Variants in MYT1 observed in about 807,000 individuals in gnomAD.
The protein encoded by MYT1 is myelin transcription factor I.
MYT1 carries 23 observed loss-of-function variants against 123.0 expected under a neutral mutation model. That is an observed-to-expected ratio of 0.19 (90% confidence interval 0.13 to 0.26). The LOEUF is 0.26. Ranked by LOEUF, MYT1 falls within the 10% of genes least tolerant of loss-of-function variation. The pLI is 1.00. For missense variants in MYT1, 1,125 were observed against 1,472.5 expected (o/e 0.76, Z 3.86); for synonymous variants, 518 against 575.3 (o/e 0.90, Z 1.43).
rs996737740 is a variant in MYT1, at chr20:64,168,042, G to A, written c.-99+3303G>A. The stretch of plus-strand genomic sequence containing the variant: ...CACTGGGGAGCCCACTGCCCAGCCC[G>A]GAGTGTCTGCTGGAGGCCTGGGGGG... On this transcript the variant is annotated intron_variant, in intron 1 of 22. Transcript: ENST00000328439. This position sits in a 1 kb window ranked among gnomAD's most constrained non-coding sequence, Gnocchi z 6.1. 2.0e-5 allele frequency among the ~76,000 whole-genome samples: 3 copies of A among 152,234 alleles called. No homozygotes were observed. The highest frequency in any genetic ancestry group is 7.2e-5 in the African/African-American group (3 of 41,464).
intron 4 of MYT1, among the ~76,000 whole-genome samples, chr20:64,201,965 CCG>C (rs1568708150): frequency 2.3e-4 from 30 of 129,940 alleles, no homozygotes; most frequent in East Asian, 7.8e-4. Context: ...TCGGGAACCC[CCG>C]CGTGTCGGGA....
At chr20:64,197,939 G>A (rs1252077806) in intron 2 of MYT1, among the ~76,000 whole-genome samples, 3 of 152,166 alleles carry the variant, frequency 2.0e-5, no homozygotes, top group Admixed American at 6.5e-5. Flanking sequence ...GGCTGGGGCC[G>A]CTCCAGGTTG....
chr20:64,172,784 G>A (rs950355422), intron 1 of MYT1, among the ~76,000 whole-genome samples: 1 of 116,242 alleles, frequency 8.6e-6, no homozygotes, highest in Non-Finnish European at 1.6e-5. Context: ...GTCTCACTCT[G>A]TTGCCCAGGC....
chr20:64,240,181 G>A lies in MYT1; in HGVS notation c.3238-139G>A, dbSNP rs1984674468. ...CTACTGCTGGGATGGCTGCAGAGAG[G>A]AACGCCCAGTGCTGCCTCTGGTTGG... On this transcript the variant is annotated intron_variant, in intron 22 of 22. Transcript: ENST00000328439. 2.4e-6 allele frequency: 3 copies of A among 1,254,870 alleles called. No homozygotes were observed. In the South Asian group the frequency reaches 4.4e-5, roughly 18 times the overall value. 77.7% of individuals were successfully genotyped at this position (1,254,870 alleles called of 1,614,324 possible).
Position 64,186,012 on chromosome 20 carries a change from C to A in MYT1, c.-98-4051C>A, listed in dbSNP as rs979265422. 2.0e-5 allele frequency among the ~76,000 whole-genome samples: 3 copies of A among 152,136 alleles called. No homozygotes were observed. The highest frequency in any genetic ancestry group is 4.4e-5 in the Non-Finnish European group (3 of 68,014). On this transcript the variant is annotated intron_variant, in intron 1 of 22. Transcript: ENST00000328439. The surrounding 1 kb of genome is among the most constrained non-coding windows in gnomAD (Gnocchi z 4.3). ...GAGGGCTTCATTAGGAGAAGACAGA[C>A]GGGGGGCTACAGCTCAGCACTGCAC...
At position 64,231,556 on chromosome 20, in the gene MYT1, G is replaced by A. The variant is rs1222095546; in HGVS notation, c.2676-608G>A. On this transcript the variant is annotated intron_variant, in intron 18 of 22. Coordinates refer to ENST00000328439, the MANE Select transcript of MYT1 (RefSeq NM_004535.3). The surrounding 1 kb of genome is among the most constrained non-coding windows in gnomAD (Gnocchi z 6.4). The stretch of plus-strand genomic sequence containing the variant: ...TGGGTAGCGAGTCTCCCCCACATGA[G>A]GTCTGCGTTCTTCCTTCTAGAACAT... Among the ~76,000 whole-genome samples, 1 of 152,248 alleles carries A rather than the reference G, an allele frequency of 6.6e-6. No homozygotes were observed. Among genetic ancestry groups the A allele is most frequent in the African/African-American group, 2.4e-5 (1 of 41,462 alleles).
chr20:64,171,209 G>A (rs959650518), intron 1 of MYT1, among the ~76,000 whole-genome samples: 6 of 152,158 alleles, frequency 3.9e-5, no homozygotes, highest in Admixed American at 2.0e-4. Context: ...GTGAGCCACT[G>A]TGCCCGGCCA....
chr20:64,195,406 T>TTTTTTG (rs1483025593), intron 2 of MYT1, among the ~76,000 whole-genome samples: 4 of 138,992 alleles, frequency 2.9e-5, no homozygotes, highest in African/African-American at 7.8e-5. Context: ...GTATACTTTT[T>TTTTTTG]TTTTTTTGAG....
chr20:64,202,068 C>CCG lies in MYT1; in HGVS notation c.86+2146_86+2147insCG, dbSNP rs1491423254. ...GGGAACCTCTGCGTGTCGGGAACCC[C>CCG]TGTGTGCAGGACTTTCTCTGTGGAT... is the stretch of plus-strand genomic sequence containing the variant. On this transcript the variant is annotated intron_variant, in intron 4 of 22. Coordinates refer to ENST00000328439, the MANE Select transcript of MYT1 (RefSeq NM_004535.3). The surrounding 1 kb of genome is among the most constrained non-coding windows in gnomAD (Gnocchi z 5.0). Among the ~76,000 whole-genome samples the CCG allele has an allele frequency of 3.3e-5, 5 of 151,456 alleles. No individual in the cohort carries two copies. The highest frequency in any genetic ancestry group is 4.2e-4 in the South Asian group (2 of 4,770).
chr20:64,234,268 A>G (rs554622260), intron 19 of MYT1, among the ~76,000 whole-genome samples: 201 of 152,266 alleles, frequency 1.3e-3, no homozygotes, highest in Non-Finnish European at 2.2e-3. Context: ...CACAGCCTAG[A>G]GGGTATCTCA....
intron 14 of MYT1, 126 bp from the exon 15 acceptor site, chr20:64,222,985 G>A (rs1984054103): frequency 8.1e-6 from 8 of 981,618 alleles, no homozygotes; most frequent in African/African-American, 1.6e-5. Context: ...ACTGAGTGGA[G>A]GAGGGGCCAC....
chr20:64,226,863 G>T (rs1335833347), intron 16 of MYT1, among the ~76,000 whole-genome samples: 1 of 152,254 alleles, frequency 6.6e-6, no homozygotes, highest in Admixed American at 6.5e-5. Context: ...CATGGCCAGC[G>T]CCATCTGCTC....
chr20:64,232,100 G>C lies in MYT1; in HGVS notation c.2676-64G>C. The C allele has an allele frequency of 6.5e-7, 1 of 1,539,090 alleles. No homozygotes were observed. The highest frequency in any genetic ancestry group is 8.9e-7 in the Non-Finnish European group (1 of 1,120,026). ...GGCTCCCCTTGTGTCTGGCTTGAGAGAGTCTCCAGGCTTCTCCTCCCAACC... is the reference window on the plus strand; with the variant it reads ...GGCTCCCCTTGTGTCTGGCTTGAGACAGTCTCCAGGCTTCTCCTCCCAACC... On this transcript the variant is annotated intron_variant, in intron 18 of 22. Coordinates refer to ENST00000328439, the MANE Select transcript of MYT1 (RefSeq NM_004535.3). The surrounding 1 kb of genome is among the most constrained non-coding windows in gnomAD (Gnocchi z 6.9).
At chr20:64,237,196 T>A (rs1315726817) in intron 20 of MYT1, 91 bp from the exon 21 acceptor site, 8 of 989,058 alleles carry the variant, frequency 8.1e-6, no homozygotes, top group African/African-American at 1.6e-5. Context: ...GCACAGGGGG[T>A]TTCAGTTCTA....
intron 4 of MYT1, among the ~76,000 whole-genome samples, chr20:64,200,524 T>A (rs1983263689): frequency 6.6e-6 from 1 of 152,176 alleles, no homozygotes; most frequent in Non-Finnish European, 1.5e-5. Context: ...GTTCACTTTG[T>A]AAACCTTTTG....
At chr20:64,221,846 G>A (rs762212114) in intron 13 of MYT1, 47 bp from the exon 14 acceptor site, 38 of 1,601,588 alleles carry the variant, frequency 2.4e-5, no homozygotes, top group Non-Finnish European at 3.0e-5. Context: ...GGGCGCCCAG[G>A]CCTCCCCGCC....
At chr20:64,198,613 G>A (rs1217793335) in intron 2 of MYT1, among the ~76,000 whole-genome samples, 1 of 152,212 alleles carries the variant, frequency 6.6e-6, no homozygotes, top group East Asian at 1.9e-4. Flanking sequence ...TACCCTCCTT[G>A]CCAAGGCCGG....
Position 64,212,200 on chromosome 20 carries a change from TGGGGGCCGTGGTGGGGG to T in MYT1, c.1517+63_1517+79del. The T allele has an allele frequency of 3.7e-5, 1 of 27,182 alleles. No individual in the cohort carries two copies. Among genetic ancestry groups the T allele is most frequent in the Non-Finnish European group, 6.4e-5 (1 of 15,638 alleles). The allele number at this position is 27,182 out of a possible 1,614,324, so 1.7% of individuals were successfully genotyped here. ...GTGGGGGCCGTGGTGGGGGCCAGGG[TGGGGGCCGTGGTGGGGG>T]CCAGGGTGGGGGCCGTGGTGGGGGC... On this transcript the variant is annotated intron_variant, in intron 9 of 22. Coordinates refer to ENST00000328439, the MANE Select transcript of MYT1 (RefSeq NM_004535.3). This position sits in a 1 kb window ranked among gnomAD's most constrained non-coding sequence, Gnocchi z 6.8.
In MYT1 at chr20:64,212,764, G is replaced by C. The variant is rs899417822; in HGVS notation, c.1517+626G>C. Reference sequence around the variant, plus strand: ...GAAGTGAAGCTTCCCGACCACCCTCGAGGTGTAGTTGTTGACTGGTCTTCT... The same window carrying C: ...GAAGTGAAGCTTCCCGACCACCCTCCAGGTGTAGTTGTTGACTGGTCTTCT... On this transcript the variant is annotated intron_variant, in intron 9 of 22. Coordinates refer to ENST00000328439, the MANE Select transcript of MYT1 (RefSeq NM_004535.3). The surrounding 1 kb of genome is among the most constrained non-coding windows in gnomAD (Gnocchi z 6.8). 6.6e-6 allele frequency among the ~76,000 whole-genome samples: 1 copy of C among 152,038 alleles called. No individual in the cohort carries two copies. Among genetic ancestry groups the C allele is most frequent in the African/African-American group, 2.4e-5 (1 of 41,378 alleles).
Sources: allele counts gnomAD v4.1 joint callset (sites outside exome capture counted in the v4.1 genomes callset), GRCh38; gene constraint gnomAD v4.1.1; non-coding constraint Gnocchi (gnomAD v3.1); transcripts MANE v1.5; gene names NCBI Gene and HGNC (gene_info 2026-07-23, HGNC 2026-07-21).